PRRC2C: variants seen among roughly 807,000 people sequenced by gnomAD.
PRRC2C encodes the protein proline rich coiled-coil 2C.
In PRRC2C, 72 loss-of-function variants were observed where a neutral mutation model predicts 317.2. The ratio of observed to expected loss-of-function variants is 0.23; its 90% CI spans 0.19 to 0.28. PRRC2C has a LOEUF of 0.28. Among genes scored for constraint, PRRC2C ranks in the 10% least tolerant of loss-of-function variants. The pLI is 1.00. For missense variants in PRRC2C, 3,074 were observed against 3,459.7 expected (o/e 0.89, Z 2.80); for synonymous variants, 1,296 against 1,205.9 (o/e 1.07, Z -1.55).
intron 13 of PRRC2C, 36 bp from the exon 14 acceptor site, chr1:171,535,993 A>G: frequency 1.3e-6 from 2 of 1,550,500 alleles, no homozygotes; most frequent in Admixed American, 2.0e-5. Flanking sequence ...GTCATGTGGA[A>G]CTAAACTCTC....
chr1:171,505,758 G>C (rs1670059552), intron 1 of PRRC2C, among the ~76,000 whole-genome samples: 1 of 152,090 alleles, frequency 6.6e-6, no homozygotes, highest in South Asian at 2.1e-4. Context: ...TCAGGAATGG[G>C]TTGATTTTTG....
chr1:171,523,635 A>G (rs1674007493), intron 9 of PRRC2C, 113 bp downstream of exon 9: 1 of 950,570 alleles, frequency 1.1e-6, no homozygotes, highest in Non-Finnish European at 1.6e-6. Context: ...TAGAATTTAT[A>G]TATTCTCAGA....
rs1222382289 is a variant in PRRC2C, at chr1:171,536,067, G to A, written c.2082G>A (p.Gln694=). The A allele has an allele frequency of 2.6e-6, 4 of 1,552,550 alleles. No individual in the cohort carries two copies. Among genetic ancestry groups the A allele is most frequent in the Non-Finnish European group, 3.5e-6 (4 of 1,147,362 alleles). The change falls in exon 14 of 35, where the codon CAG becomes CAA. Residue 694 remains glutamine, a synonymous_variant. Coordinates refer to ENST00000647382, the MANE Select transcript of PRRC2C (RefSeq NM_001387844.1). ...MKQQQWQQQQ[Q]QGVLPQTVPS... ...AGCAGCAGTGGCAGCAGCAGCAACA[G>A]CAAGGTGTACTTCCACAGACTGTTC...
chr1:171,498,485 C>T (rs1668518211), intron 1 of PRRC2C, among the ~76,000 whole-genome samples: 2 of 152,202 alleles, frequency 1.3e-5, no homozygotes, highest in Non-Finnish European at 2.9e-5. Context: ...AAAGACCCCA[C>T]CTCTTAAAAG....
At position 171,591,894 on chromosome 1, in the gene PRRC2C, G is replaced by C. The variant is rs775627467; in HGVS notation, c.*47G>C. On this transcript the variant is annotated 3_prime_UTR_variant, in exon 35 of 35. Coordinates refer to ENST00000647382, the MANE Select transcript of PRRC2C (RefSeq NM_001387844.1). Reference sequence around the variant, plus strand: ...GATTGGGAGGGGGGCGGGAAAACATGGAGAATTAAGTCAGATAATGCTGGC... The same window carrying C: ...GATTGGGAGGGGGGCGGGAAAACATCGAGAATTAAGTCAGATAATGCTGGC... 7.2e-7 allele frequency: 1 copy of C among 1,390,888 alleles called. No homozygotes were observed. Among genetic ancestry groups the C allele is most frequent in the South Asian group, 1.2e-5 (1 of 80,928 alleles). 86.2% of individuals were successfully genotyped at this position (1,390,888 alleles called of 1,614,324 possible). A position where few individuals can be genotyped will look rare whatever the true frequency, so the allele number is the denominator to read the frequency against.
chr1:171,588,469 A>G lies in PRRC2C; in HGVS notation c.8163A>G (p.Arg2721=). The change falls in exon 33 of 35, where the codon AGA becomes AGG. Residue 2721 remains arginine (R), a synonymous_variant. Transcript: ENST00000647382. The part of the protein sequence containing the change: ...KQFQSAPATV[R]MTQPFPTQFA... ...TCCAGTCAGCCCCTGCCACTGTGAG[A>G]ATGACACAACCATTTCCTACACAGT... 1 of 1,613,890 alleles carries G rather than the reference A, an allele frequency of 6.2e-7. No individual in the cohort carries two copies. Among genetic ancestry groups the G allele is most frequent in the Non-Finnish European group, 8.5e-7 (1 of 1,179,802 alleles).
chr1:171,558,561 A>G (rs781593117), intron 19 of PRRC2C, among the ~76,000 whole-genome samples: 5 of 152,066 alleles, frequency 3.3e-5, no homozygotes, highest in Non-Finnish European at 5.9e-5. Context: ...ATTTTTCATC[A>G]TTTATCTGTT....
rs235501 is a variant in PRRC2C at position 171,587,026 on chromosome 1, G to C, written c.7773G>C (p.Ser2591=). The change falls in exon 31 of 35, where the codon TCG becomes TCC. Residue 2591 remains serine (S), a synonymous_variant. Coordinates refer to ENST00000647382, the MANE Select transcript of PRRC2C (RefSeq NM_001387844.1). ...AGGTTACAGTACCTTTACCAGCATC[G>C]CAGCTTTCCTTGCCTAATTTTGGAT... The part of the protein sequence containing the change: ...LQQVTVPLPA[S]QLSLPNFGST... 1,315,201 of 1,606,730 alleles carry C rather than the reference G, an allele frequency of 0.82. 539,340 individuals are homozygous for C. The highest frequency in any genetic ancestry group is 0.89 in the East Asian group (40,008 of 44,748).
rs1680545123 is a variant in PRRC2C, at chr1:171,552,777, A to G, written c.5127+2537A>G. On this transcript the variant is annotated intron_variant, in intron 18 of 34. Transcript: ENST00000647382. ...TGATGGATAATGTTTATTGATTTGC[A>G]TATGTTGAATCAGCCTTGCATCCTA... Among the ~76,000 whole-genome samples, 3 of 152,056 alleles carry G rather than the reference A, an allele frequency of 2.0e-5. No homozygotes were observed. In the South Asian group the frequency reaches 6.3e-4, roughly 32 times the overall value.
chr1:171,521,349 A>G (rs1460445725), intron 6 of PRRC2C, among the ~76,000 whole-genome samples: 1 of 152,222 alleles, frequency 6.6e-6, no homozygotes, highest in Non-Finnish European at 1.5e-5. Flanking sequence ...TCATAGGATG[A>G]ATCCCTTGGT....
chr1:171,507,995 T>A (rs1670571799), intron 1 of PRRC2C, among the ~76,000 whole-genome samples: 2 of 152,234 alleles, frequency 1.3e-5, no homozygotes, highest in South Asian at 4.1e-4. Flanking sequence ...GTATGTTGAT[T>A]TTGTATCCTG....
rs1022455334 is a variant in PRRC2C at position 171,522,205 on chromosome 1, A to G, written c.779A>G (p.Tyr260Cys). ...YMFQQYPRMT[Y>C]PPLHGPMRFP... ...TTCCAACAGTATCCGAGGATGACAT[A>G]TCCTCCTCTACATGGTCCCATGAGA... is the stretch of plus-strand genomic sequence containing the variant. The change falls in exon 7 of 35, where the codon TAT (tyrosine) becomes TGT (cysteine). Residue 260 changes from tyrosine (Y) to cysteine (C), a missense_variant. Coordinates refer to ENST00000647382, the MANE Select transcript of PRRC2C (RefSeq NM_001387844.1). 6.3e-7 allele frequency: 1 copy of G among 1,594,112 alleles called. No homozygotes were observed.
intron 6 of PRRC2C, among the ~76,000 whole-genome samples, chr1:171,521,394 CTTAAG>C (rs963116480): frequency 6.6e-5 from 10 of 152,146 alleles, no homozygotes; most frequent in Non-Finnish European, 1.2e-4. Flanking sequence ...TATGTCTTCT[CTTAAG>C]TTTAGTTTCC....
intron 9 of PRRC2C, among the ~76,000 whole-genome samples, chr1:171,523,897 G>A (rs192948421): frequency 1.5e-4 from 23 of 152,110 alleles, no homozygotes; most frequent in Admixed American, 4.6e-4. Flanking sequence ...TTATCCAGGC[G>A]TGGTGGTGCA....
Position 171,558,142 on chromosome 1 carries a change from A to T in PRRC2C, c.6030A>T (p.Lys2010Asn), listed in dbSNP as rs1207318105. 3 of 1,607,036 alleles carry T rather than the reference A, an allele frequency of 1.9e-6. No individual in the cohort carries two copies. Among genetic ancestry groups the T allele is most frequent in the African/African-American group, 2.7e-5 (2 of 74,832 alleles). The change falls in exon 19 of 35, where the codon AAA becomes AAT. Residue 2010 changes from lysine (K) to asparagine (N), a missense_variant and splice_region_variant. Physicochemically the swap from Lys to Asn is moderately conservative, Grantham distance 94 (BLOSUM62 0). Around this residue, in one of 11 missense-constraint regions of PRRC2C, gnomAD observed 640 missense variants for 676.1 expected, o/e 0.95. Transcript: ENST00000647382. Reference sequence around the variant, plus strand: ...CTGTGCTGAATGATATCTCTAAGAAATGTAAGTTGCAAAAGAGAAGTGAGG... The same window carrying T: ...CTGTGCTGAATGATATCTCTAAGAATTGTAAGTTGCAAAAGAGAAGTGAGG... Reference protein sequence around the residue: ...PPAVLNDISKKLGPISPPQPP... With the variant: ...PPAVLNDISKNLGPISPPQPP...
intron 9 of PRRC2C, 74 bp downstream of exon 9, chr1:171,523,596 TTTG>T: frequency 5.0e-6 from 6 of 1,208,224 alleles, no homozygotes; most frequent in Non-Finnish European, 7.1e-6. Context: ...GCAAAGAAGC[TTTG>T]TTAATAGACA....
chr1:171,568,458 A>G, intron 23 of PRRC2C, 119 bp downstream of exon 23: 1 of 1,400,928 alleles, frequency 7.1e-7, no homozygotes, highest in Non-Finnish European at 9.4e-7. Flanking sequence ...GAAAGAGTTG[A>G]TAGTAAATTT....
In PRRC2C at chr1:171,584,535, TG is replaced by T; in HGVS notation, c.7749+11del. The stretch of plus-strand genomic sequence containing the variant: ...CAAGTGCTCTCCAGCAGGTAAACTA[TG>T]GCATGGTAAATTTCCTCAATTTTCT... On this transcript the variant is annotated intron_variant, in intron 30 of 34. Coordinates refer to ENST00000647382, the MANE Select transcript of PRRC2C (RefSeq NM_001387844.1). 6.5e-7 allele frequency: 1 copy of T among 1,545,276 alleles called. No homozygotes were observed.
At chr1:171,544,623 A>G (rs1443369262) in intron 16 of PRRC2C, among the ~76,000 whole-genome samples, 1 of 152,206 alleles carries the variant, frequency 6.6e-6, no homozygotes, top group Non-Finnish European at 1.5e-5. Flanking sequence ...CTCAGGGAAA[A>G]TTTTGATAAG....
Sources: gnomAD v4.1 joint callset for allele counts (sites outside exome capture counted in the v4.1 genomes callset) on GRCh38, gnomAD v4.1.1 for gene constraint, gnomAD v4.1.1 regional missense constraint, MANE v1.5 for transcripts, NCBI Gene and HGNC (gene_info 2026-07-23, HGNC 2026-07-21) for gene names.